Variants in CTSH observed in about 807,000 individuals in gnomAD.
CTSH encodes pro-cathepsin H.
Under a neutral mutation model 56.3 loss-of-function variants are expected in CTSH, and 52 were observed. The ratio of observed to expected loss-of-function variants is 0.92; its 90% confidence interval spans 0.74 to 1.16. CTSH has a LOEUF of 1.16. Among genes scored for constraint, CTSH ranks in the 50% most tolerant of loss-of-function variants. The pLI, the probability that CTSH is intolerant of heterozygous loss-of-function variation, is 0.00. For missense variants in CTSH, 406 were observed against 424.5 expected, an observed-to-expected ratio of 0.96 and a Z score of 0.38; for synonymous variants, 174 against 155.7, an observed-to-expected ratio of 1.12 and a Z score of -0.88.
intron 7 of CTSH, among the ~76,000 whole-genome samples, chr15:78,930,647 T>C (rs972074049): frequency 1.3e-5 from 2 of 150,724 alleles, no homozygotes; most frequent in African/African-American, 4.9e-5. Context: ...AGCTGTGGAG[T>C]GGAAACAGAC....
intron 10 of CTSH, 36 bp downstream of exon 10, chr15:78,925,298 C>G (rs759388714): frequency 7.2e-7 from 1 of 1,388,148 alleles, no homozygotes; most frequent in Non-Finnish European, 1.0e-6. Flanking sequence ...AAGCCCCTCC[C>G]CACTGTCCCT....
Position 78,929,482 on chromosome 15 carries a change from C to T in CTSH, c.560G>A (p.Ser187Asn). ...NNHGCQGGLPSQAFEYILYNK... is the reference protein window; with the variant it reads ...NNHGCQGGLPNQAFEYILYNK... ...GTACAGGATATACTCGAAAGCCTGG[C>T]TGGGGAGACCCCTGCAAGAAGTACA... is the stretch of plus-strand genomic sequence containing the variant. The change falls in exon 8 of 12, where the codon AGC becomes AAC. Residue 187 changes from serine to asparagine, a missense_variant. Coordinates refer to ENST00000220166, the MANE Select transcript of CTSH (RefSeq NM_004390.5). The T allele has an allele frequency of 1.2e-6, 2 of 1,610,382 alleles. No homozygotes were observed. Among genetic ancestry groups the T allele is most frequent in the South Asian group, 2.2e-5 (2 of 90,396 alleles).
At position 78,929,472 on chromosome 15, in the gene CTSH, G is replaced by A. The variant is rs754501669; in HGVS notation, c.570C>T (p.Phe190=). 7 of 1,611,134 alleles carry A rather than the reference G, an allele frequency of 4.3e-6. No individual in the cohort carries two copies. The South Asian group carries it at 4.4e-5, about 10-fold the overall frequency. The change falls in exon 8 of 12, where the codon TTC becomes TTT. Residue 190 remains phenylalanine, a synonymous_variant. Transcript: ENST00000220166. ...GCQGGLPSQA[F]EYILYNKGIM... is the part of the protein sequence containing the mutation. The stretch of plus-strand genomic sequence containing the variant: ...TCCCCTTGTTGTACAGGATATACTC[G>A]AAAGCCTGGCTGGGGAGACCCCTGC...
chr15:78,929,320 G>C (rs2289696), intron 8 of CTSH, 92 bp downstream of exon 8: 86,858 of 950,312 alleles, frequency 0.091, 4,844 homozygotes, highest in African/African-American at 0.23. Flanking sequence ...GGAGGGAGGT[G>C]GGGGGAGAAG....
chr15:78,928,521 C>T (rs1283963456), intron 8 of CTSH, among the ~76,000 whole-genome samples: 6 of 136,180 alleles, frequency 4.4e-5, no homozygotes, highest in South Asian at 2.3e-4. Flanking sequence ...GCCGAGATTG[C>T]GCCATTGCAC....
chr15:78,933,048 C>A (rs1309325807), intron 5 of CTSH, among the ~76,000 whole-genome samples: 1 of 152,216 alleles, frequency 6.6e-6, no homozygotes, highest in African/African-American at 2.4e-5. Context: ...GACAACCCCA[C>A]CCAGACACCC....
At chr15:78,934,528 T>G (rs2055132205) in intron 5 of CTSH, among the ~76,000 whole-genome samples, 1 of 152,174 alleles carries the variant, frequency 6.6e-6, no homozygotes, top group South Asian at 2.1e-4. Flanking sequence ...GGCCAGCCCC[T>G]GCCATGAGAA....
intron 2 of CTSH, among the ~76,000 whole-genome samples, chr15:78,938,910 C>A (rs2055231797): frequency 6.6e-6 from 1 of 152,116 alleles, no homozygotes; most frequent in South Asian, 2.1e-4. Flanking sequence ...AGAAATGAAT[C>A]CCAGGGCTTG....
intron 4 of CTSH, 89 bp downstream of exon 4, chr15:78,935,591 G>C (rs2055158330): frequency 8.8e-7 from 1 of 1,133,118 alleles, no homozygotes; most frequent in Non-Finnish European, 1.3e-6. Flanking sequence ...GGATGGGACT[G>C]AATCTGCCTA....
intron 4 of CTSH, 50 bp from the exon 5 acceptor site, chr15:78,935,132 C>T (rs147551459): frequency 1.6e-5 from 20 of 1,237,488 alleles, no homozygotes; most frequent in Non-Finnish European, 2.4e-5. Context: ...AAACCAAAAA[C>T]CTTTCTGACA....
In CTSH at chr15:78,925,457, G is replaced by C; in HGVS notation, c.700-17C>G. ...CTCGTCATACTGTGGAAACAGGACC[G>C]AGACAGAAACACATGGCCTGTCACC... On this transcript the variant is annotated splice_polypyrimidine_tract_variant and intron_variant, in intron 9 of 11. Coordinates refer to ENST00000220166, the MANE Select transcript of CTSH (RefSeq NM_004390.5). 6.4e-7 allele frequency: 1 copy of C among 1,559,450 alleles called. No homozygotes were observed. Among genetic ancestry groups the C allele is most frequent in the South Asian group, 1.1e-5 (1 of 89,756 alleles).
At chr15:78,941,720 C>T (rs1057076644) in intron 1 of CTSH, among the ~76,000 whole-genome samples, 2 of 143,512 alleles carry the variant, frequency 1.4e-5, no homozygotes, top group African/African-American at 5.1e-5. Flanking sequence ...GGCGTGAACC[C>T]GGGAGGCGGG....
intron 10 of CTSH, among the ~76,000 whole-genome samples, chr15:78,923,772 C>T (rs867489301): frequency 6.6e-6 from 1 of 152,220 alleles, no homozygotes; most frequent in African/African-American, 2.4e-5. Flanking sequence ...GTTGCCACTG[C>T]ATTTATTAAA....
intron 3 of CTSH, 127 bp downstream of exon 3, chr15:78,937,191 G>T: frequency 1.4e-6 from 1 of 715,802 alleles, no homozygotes; most frequent in Non-Finnish European, 2.4e-6. Flanking sequence ...ACAATCTGAG[G>T]TCAGCCAAAC....
Position 78,939,148 on chromosome 15 carries a change from T to C in CTSH, c.115A>G (p.Met39Val), listed in dbSNP as rs2055235740. 6.3e-7 allele frequency: 1 copy of C among 1,596,894 alleles called. No homozygotes were observed. Among genetic ancestry groups the C allele is most frequent in the Non-Finnish European group, 8.5e-7 (1 of 1,174,292 alleles). The change falls in exon 2 of 12, where the codon ATG (methionine) becomes GTG (valine). Residue 39 changes from methionine (M) to valine (V), a missense_variant. By Grantham distance (21) the Met-to-Val change is conservative. Transcript: ENST00000220166. ...AGAAGTTGGGCACTGACCTTAGACATCCATGACTTGAAGTGAAACTTCTCT... is the reference window on the plus strand; with the variant it reads ...AGAAGTTGGGCACTGACCTTAGACACCCATGACTTGAAGTGAAACTTCTCT... Reference protein sequence around the residue: ...SLEKFHFKSWMSKHRKTYSTE... With the variant: ...SLEKFHFKSWVSKHRKTYSTE...
At chr15:78,932,169 G>T in intron 6 of CTSH, 1 of 945,974 alleles carries the variant, frequency 1.1e-6, no homozygotes, top group Non-Finnish European at 1.5e-6. Flanking sequence ...TGAGCCCTTG[G>T]GCCGGTTCCT....
intron 8 of CTSH, 119 bp downstream of exon 8, chr15:78,929,293 T>C (rs1467709036): frequency 3.8e-6 from 3 of 783,828 alleles, no homozygotes; most frequent in Non-Finnish European, 6.5e-6. Flanking sequence ...GAACAGACAA[T>C]TGTGAGAATT....
At chr15:78,940,901 G>A (rs1030408572) in intron 1 of CTSH, among the ~76,000 whole-genome samples, 39 of 151,832 alleles carry the variant, frequency 2.6e-4, no homozygotes, top group Non-Finnish European at 4.7e-4. Context: ...GGAGGCTGCT[G>A]TGAGCCGAGA....
intron 9 of CTSH, chr15:78,925,687 G>A (rs540676820): frequency 1.7e-4 from 74 of 425,784 alleles, no homozygotes; most frequent in South Asian, 1.1e-3. Context: ...GGGGTACAGC[G>A]TGGACCTACT....
Sources: allele counts gnomAD v4.1 joint callset (sites outside exome capture counted in the v4.1 genomes callset), GRCh38; gene constraint gnomAD v4.1.1; transcripts MANE v1.5; gene names NCBI Gene and HGNC (gene_info 2026-07-23, HGNC 2026-07-21).